SBNO1: variants seen among roughly 807,000 people sequenced by gnomAD.
SBNO1 encodes the protein protein strawberry notch homolog 1.
A neutral mutation model predicts 173.6 loss-of-function variants in SBNO1; 23 were observed. The observed-to-expected ratio is 0.13, with a 90% CI of 0.10 to 0.19. The LOEUF is 0.19. Ranked by LOEUF, SBNO1 falls within the 10% of genes least tolerant of loss-of-function variation. The pLI is 1.00. For synonymous variants in SBNO1, 632 were observed against 571.5 expected (o/e 1.11, Z -1.51); for missense variants, 1,238 against 1,671.2 (o/e 0.74, Z 4.52).
chr12:123,299,550 G>A (rs1238824901), intron 30 of SBNO1, among the ~76,000 whole-genome samples: 83 of 129,212 alleles, frequency 6.4e-4, no homozygotes, highest in Middle Eastern at 6.4e-3. Context: ...GTGTGGTGGC[G>A]GGCACCTGTA....
intron 23 of SBNO1, 83 bp downstream of exon 23, chr12:123,315,290 A>G: frequency 1.9e-6 from 2 of 1,070,696 alleles, no homozygotes; most frequent in Non-Finnish European, 2.8e-6. Flanking sequence ...TTTGTTTTAG[A>G]CAGTAACTAC....
At chr12:123,319,870 T>C in intron 20 of SBNO1, 30 bp downstream of exon 20, 1 of 1,606,594 alleles carries the variant, frequency 6.2e-7, no homozygotes, top group East Asian at 2.2e-5. Context: ...CATTGTTCTT[T>C]TCACTGAGAA....
At chr12:123,306,564 A>C (rs2048919065) in intron 28 of SBNO1, among the ~76,000 whole-genome samples, 1 of 152,144 alleles carries the variant, frequency 6.6e-6, no homozygotes, top group Non-Finnish European at 1.5e-5. Flanking sequence ...TAAAAATAAT[A>C]ACCAAGAGCC....
At chr12:123,343,713 T>C (rs1359187981) in intron 4 of SBNO1, among the ~76,000 whole-genome samples, 1 of 152,040 alleles carries the variant, frequency 6.6e-6, no homozygotes, top group African/African-American at 2.4e-5. Flanking sequence ...AATTTTCATA[T>C]TTTTAGTAGA....
intron 30 of SBNO1, 135 bp downstream of exon 30, chr12:123,302,689 C>A: frequency 1.5e-6 from 1 of 688,198 alleles, no homozygotes; most frequent in South Asian, 1.6e-5. Context: ...AGTAAATATT[C>A]CTGATGGAAC....
At chr12:123,296,194 A>C in intron 31 of SBNO1, 144 bp from the exon 32 acceptor site, 1 of 583,798 alleles carries the variant, frequency 1.7e-6, no homozygotes. Context: ...CTAATAAATG[A>C]AATGGCCATT....
chr12:123,345,571 C>T lies in SBNO1; in HGVS notation c.238-1G>A, dbSNP rs1873024100. 4.3e-6 allele frequency: 7 copies of T among 1,610,102 alleles called. No homozygotes were observed. The highest frequency in any genetic ancestry group is 5.1e-6 in the Non-Finnish European group (6 of 1,177,174). On this transcript the variant is annotated splice_acceptor_variant, in intron 3 of 31. Transcript: ENST00000602398. LOFTEE classifies it high-confidence loss of function. Reference sequence around the variant, plus strand: ...ATGTTGTAGTAGATGGAGGCTGCTGCTAGATAGAAAACAAAAAACACACCA... The same window carrying T: ...ATGTTGTAGTAGATGGAGGCTGCTGTTAGATAGAAAACAAAAAACACACCA...
chr12:123,356,762 T>C lies in SBNO1; in HGVS notation c.1-6321A>G, dbSNP rs571405941. Among the ~76,000 whole-genome samples the C allele has an allele frequency of 2.0e-5, 3 of 152,314 alleles. No homozygotes were observed. The East Asian group carries it at 5.8e-4, about 29-fold the overall frequency. ...CCCTGCACATATCAATTATATAAAA[T>C]ACTAGTCCCTTTTTATCTTAAAGTG... On this transcript the variant is annotated intron_variant, in intron 1 of 31. Coordinates refer to ENST00000602398, the MANE Select transcript of SBNO1 (RefSeq NM_001167856.3).
intron 28 of SBNO1, among the ~76,000 whole-genome samples, chr12:123,308,862 G>C (rs1468274933): frequency 6.6e-6 from 1 of 152,210 alleles, no homozygotes; most frequent in Non-Finnish European, 1.5e-5. Flanking sequence ...CCAGCACTTT[G>C]GAAGGCCGAG....
chr12:123,317,307 G>C lies in SBNO1; in HGVS notation c.2849C>G (p.Ala950Gly). ...EAASSGISLQADRRAKNQRRR... is the reference protein window; with the variant it reads ...EAASSGISLQGDRRAKNQRRR... ...CCTTTGATTTTTAGCTCTCCTATCT[G>C]CTTGTAATGAAATACCCGAGCTGGC... Residue 950 changes from alanine to glycine, a missense_variant, in exon 21 of 32, where the codon GCA (alanine) becomes GGA (glycine). Coordinates refer to ENST00000602398, the MANE Select transcript of SBNO1 (RefSeq NM_001167856.3). 1 of 1,613,770 alleles carries C rather than the reference G, an allele frequency of 6.2e-7. No homozygotes were observed. The highest frequency in any genetic ancestry group is 1.3e-5 in the African/African-American group (1 of 75,016).
At chr12:123,303,573 C>T (rs1269626507) in intron 29 of SBNO1, among the ~76,000 whole-genome samples, 3 of 152,114 alleles carry the variant, frequency 2.0e-5, no homozygotes, top group Non-Finnish European at 4.4e-5. Flanking sequence ...CACTTGAACC[C>T]GGGAGGCGGA....
chr12:123,347,052 T>C (rs921989419), intron 3 of SBNO1, among the ~76,000 whole-genome samples: 2 of 127,968 alleles, frequency 1.6e-5, no homozygotes, highest in Admixed American at 9.2e-5. Context: ...CACTCCAGCC[T>C]GGGCGACAAA....
At chr12:123,357,086 A>T (rs947221268) in intron 1 of SBNO1, among the ~76,000 whole-genome samples, 1 of 151,758 alleles carries the variant, frequency 6.6e-6, no homozygotes, top group African/African-American at 2.4e-5. Flanking sequence ...TAGACACTTA[A>T]GAACATCAGG....
chr12:123,318,500 A>T (rs1869562563), intron 20 of SBNO1, among the ~76,000 whole-genome samples: 1 of 152,064 alleles, frequency 6.6e-6, no homozygotes, highest in South Asian at 2.1e-4. Flanking sequence ...TGGGAGGCAG[A>T]GGTGGGTACA....
intron 31 of SBNO1, among the ~76,000 whole-genome samples, chr12:123,297,428 T>C (rs1167915535): frequency 7.6e-5 from 2 of 26,442 alleles, no homozygotes; most frequent in Non-Finnish European, 1.2e-4. Context: ...AAAAATTCCA[T>C]AGACTGACTT....
intron 28 of SBNO1, among the ~76,000 whole-genome samples, chr12:123,308,467 G>C (rs1050772312): frequency 2.0e-5 from 3 of 151,558 alleles, no homozygotes; most frequent in African/African-American, 4.8e-5. Flanking sequence ...TCAGGAGATC[G>C]AGACCATCTT....
chr12:123,321,635 A>T lies in SBNO1; in HGVS notation c.2223T>A (p.Asp741Glu). The change falls in exon 17 of 32, where the codon GAT becomes GAA. Residue 741 changes from aspartate (D) to glutamate (E), a missense_variant. By Grantham distance (45) the Asp-to-Glu change is conservative. Around this residue, in one of 14 missense-constraint regions of SBNO1, gnomAD observed 81 missense variants for 82.6 expected, o/e 0.98. Coordinates refer to ENST00000602398, the MANE Select transcript of SBNO1 (RefSeq NM_001167856.3). ...AGCTCTCATAGTCACTTTCTTCATT[A>T]TCAGAGGCATCAGATTCACTTCCAC... The part of the protein sequence containing the change: ...DDSGSESDAS[D>E]NEESDYESSK... The T allele has an allele frequency of 6.2e-7, 1 of 1,614,018 alleles. No homozygotes were observed. Among genetic ancestry groups the T allele is most frequent in the Non-Finnish European group, 8.5e-7 (1 of 1,179,914 alleles).
At chr12:123,324,473 C>A (rs183976446) in intron 15 of SBNO1, among the ~76,000 whole-genome samples, 1 of 152,196 alleles carries the variant, frequency 6.6e-6, no homozygotes, top group Admixed American at 6.5e-5. Context: ...AGGTGCCCGC[C>A]ACCACGCCTG....
At chr12:123,358,518 C>T (rs1874717699) in intron 1 of SBNO1, among the ~76,000 whole-genome samples, 1 of 151,926 alleles carries the variant, frequency 6.6e-6, no homozygotes, top group African/African-American at 2.4e-5. Flanking sequence ...CTTTGGGAGG[C>T]CGAGGCAGGT....
Sources: allele counts gnomAD v4.1 joint callset (sites outside exome capture counted in the v4.1 genomes callset), GRCh38; gene constraint gnomAD v4.1.1; regional missense constraint gnomAD v4.1.1; transcripts MANE v1.5; gene names NCBI Gene and HGNC (gene_info 2026-07-23, HGNC 2026-07-21).